Variants in SFI1 observed in about 807,000 individuals in gnomAD.
The protein encoded by SFI1 is SFI1 centrin binding protein, also known as protein SFI1 homolog.
Under a neutral mutation model 207.5 loss-of-function variants are expected in SFI1, and 195 were observed. The ratio of observed to expected loss-of-function variants is 0.94; its 90% CI spans 0.84 to 1.06. The LOEUF (loss-of-function observed/expected upper bound fraction) is 1.06. SFI1 is among the 50% of genes least tolerant of loss of function. SFI1 has a pLI of 0.00. For synonymous variants in SFI1, 630 were observed against 598.9 expected (o/e 1.05, Z -0.76); for missense variants, 1,634 against 1,588.0 (o/e 1.03, Z -0.49).
intron 14 of SFI1, 27 bp from the exon 15 acceptor site, chr22:31,589,420 C>G: frequency 6.4e-7 from 1 of 1,566,824 alleles, no homozygotes; most frequent in Non-Finnish European, 8.6e-7. Context: ...AAGTTAAGTA[C>G]AAAGGTTATT....
intron 8 of SFI1, among the ~76,000 whole-genome samples, chr22:31,563,867 G>T (rs940445702): frequency 6.6e-6 from 1 of 151,758 alleles, no homozygotes; most frequent in Non-Finnish European, 1.5e-5. Flanking sequence ...GATTACAGGG[G>T]TGAGCCACCA....
chr22:31,611,116 G>A (rs941612360), intron 22 of SFI1, 27 bp from the exon 23 acceptor site: 5 of 1,613,976 alleles, frequency 3.1e-6, no homozygotes, highest in Non-Finnish European at 4.2e-6. Context: ...CCACAAAACA[G>A]CAAACTCTGA....
intron 1 of SFI1, among the ~76,000 whole-genome samples, chr22:31,498,533 C>T (rs1046152453): frequency 1.3e-5 from 2 of 151,372 alleles, no homozygotes; most frequent in African/African-American, 4.9e-5. Flanking sequence ...CGCCTGTAAT[C>T]CCAGTTACTC....
In SFI1 at chr22:31,589,519, C is replaced by G; in HGVS notation, c.1486C>G (p.Leu496Val). The G allele has an allele frequency of 1.2e-6, 2 of 1,614,096 alleles. No individual in the cohort carries two copies. The highest frequency in any genetic ancestry group is 1.7e-6 in the Non-Finnish European group (2 of 1,180,028). ...TGCTGCCTTCCACACATGGAACAGA[C>G]TCTGGCGATGGCGCCACCAGGAAAA... is the stretch of plus-strand genomic sequence containing the variant. ...LPAAFHTWNRLWRWRHQENVL... is the reference protein window; with the variant it reads ...LPAAFHTWNRVWRWRHQENVL... The change falls in exon 15 of 33, where the codon CTC becomes GTC. Residue 496 changes from leucine to valine, a missense_variant. Leu to Val is a conservative substitution (Grantham distance 32). Transcript: ENST00000400288.
Position 31,511,464 on chromosome 22 carries a change from G to GTT in SFI1, c.92+3109_92+3110dup, listed in dbSNP as rs758898165. Among the ~76,000 whole-genome samples the GTT allele has an allele frequency of 1.6e-3, 183 of 114,506 alleles. 5 individuals are homozygous for GTT. The highest frequency in any genetic ancestry group is 4.8e-3 in the East Asian group (15 of 3,106). 75.1% of individuals were successfully genotyped at this position (114,506 alleles called of 152,430 possible). ...GGCCTCTAACTCTGGCATAGTTTCT[G>GTT]TTTTTTTTTTTTTTTTTTTTTTGAG... On this transcript the variant is annotated intron_variant, in intron 2 of 32. Transcript: ENST00000400288.
At chr22:31,559,036 A>G (rs955737881) in intron 7 of SFI1, among the ~76,000 whole-genome samples, 9 of 151,536 alleles carry the variant, frequency 5.9e-5, no homozygotes, top group Non-Finnish European at 1.3e-4. Context: ...TGAACTCCTG[A>G]CCTCAGATGA....
chr22:31,578,713 C>G (rs997029186), intron 11 of SFI1, among the ~76,000 whole-genome samples: 4 of 152,110 alleles, frequency 2.6e-5, no homozygotes, highest in African/African-American at 9.7e-5. Flanking sequence ...TGGTAAAACC[C>G]CTTTTGAGTG....
intron 6 of SFI1, 95 bp downstream of exon 6, chr22:31,550,443 A>G: frequency 1.1e-6 from 1 of 909,726 alleles, no homozygotes; most frequent in Non-Finnish European, 1.7e-6. Context: ...AGAGAGAGGA[A>G]CTCTAGGCCA....
At chr22:31,605,321 T>C in intron 20 of SFI1, 1 of 165,096 alleles carries the variant, frequency 6.1e-6, no homozygotes. Flanking sequence ...GTAGTCCCCT[T>C]CCAGCTTGCT....
intron 7 of SFI1, among the ~76,000 whole-genome samples, chr22:31,558,527 G>A (rs2061382570): frequency 1.3e-5 from 2 of 151,368 alleles, no homozygotes; most frequent in African/African-American, 4.9e-5. Flanking sequence ...GGAGTGCAGT[G>A]GTGTGATCTT....
At chr22:31,501,005 G>A (rs1397247044) in intron 1 of SFI1, among the ~76,000 whole-genome samples, 4 of 150,480 alleles carry the variant, frequency 2.7e-5, no homozygotes, top group Non-Finnish European at 5.9e-5. Context: ...CACCATATTG[G>A]CCAGGCTGGT....
intron 12 of SFI1, among the ~76,000 whole-genome samples, chr22:31,581,227 C>G (rs756363888): frequency 2.2e-4 from 33 of 151,836 alleles, no homozygotes; most frequent in Admixed American, 9.2e-4. Context: ...GATCTGCCCA[C>G]CTTCGCCTCT....
chr22:31,539,167 C>T lies in SFI1; in HGVS notation c.339-7694C>T, dbSNP rs1487938393. On this transcript the variant is annotated intron_variant, in intron 4 of 32. Transcript: ENST00000400288. ...AGAATCCAGCCACTTTTCAGACCTC[C>T]AGTAGCTACCACCCAGTCCAAGCCA... Among the ~76,000 whole-genome samples the T allele has an allele frequency of 3.3e-5, 5 of 152,164 alleles. 1 individual carries two copies. The highest frequency in any genetic ancestry group is 3.3e-4 in the Admixed American group (5 of 15,260).
chr22:31,591,012 CAG>C (rs1452996306), intron 15 of SFI1, among the ~76,000 whole-genome samples: 9 of 146,136 alleles, frequency 6.2e-5, no homozygotes, highest in Admixed American at 6.1e-4. Flanking sequence ...GTGTTTCTCA[CAG>C]AGGGGGATTT....
intron 13 of SFI1, among the ~76,000 whole-genome samples, chr22:31,584,426 T>A (rs2064756244): frequency 6.6e-6 from 1 of 152,004 alleles, no homozygotes; most frequent in Non-Finnish European, 1.5e-5. Flanking sequence ...GTGGAAAGTA[T>A]AAAGGGAAAA....
intron 14 of SFI1, 47 bp from the exon 15 acceptor site, chr22:31,589,400 A>C (rs779885487): frequency 2.9e-5 from 22 of 766,774 alleles, no homozygotes; most frequent in South Asian, 6.7e-5. Flanking sequence ...GGTCATGTTT[A>C]AAAAAAAAAA....
intron 15 of SFI1, among the ~76,000 whole-genome samples, chr22:31,601,304 T>C (rs1294786734): frequency 6.6e-6 from 1 of 152,016 alleles, no homozygotes; most frequent in Non-Finnish European, 1.5e-5. Context: ...TTTATATTTT[T>C]AGTAGAGATG....
intron 24 of SFI1, chr22:31,612,813 C>A: frequency 3.1e-6 from 1 of 321,746 alleles, no homozygotes; most frequent in South Asian, 7.2e-5. Context: ...CAAGAGGGAT[C>A]ACACAGAGCA....
At chr22:31,559,590 G>T in intron 7 of SFI1, 1 of 655,586 alleles carries the variant, frequency 1.5e-6, no homozygotes, top group Non-Finnish European at 2.8e-6. Context: ...TTAAGGATGT[G>T]GGTTGACAGT....
Sources: allele counts gnomAD v4.1 joint callset (sites outside exome capture counted in the v4.1 genomes callset), GRCh38; gene constraint gnomAD v4.1.1; transcripts MANE v1.5; gene names NCBI Gene and HGNC (gene_info 2026-07-23, HGNC 2026-07-21).